Variants in ETV5 observed in about 807,000 individuals in gnomAD.
The protein encoded by ETV5 is ETS variant transcription factor 5.
In ETV5, 10 loss-of-function variants were observed where a neutral mutation model predicts 70.0. That is an observed-to-expected ratio of 0.14 (90% CI 0.09 to 0.24). The LOEUF is 0.24. ETV5 is among the 10% of genes least tolerant of loss of function. The probability of loss-of-function intolerance (pLI) is 1.00; values close to 1 mark genes in which losing one functional copy is unlikely to be tolerated. For missense variants in ETV5, 453 were observed against 651.2 expected (o/e 0.70, Z 3.31); for synonymous variants, 216 against 242.2 (o/e 0.89, Z 1.01).
intron 1 of ETV5, chr3:186,108,365 CA>C (rs1317547177): frequency 1.8e-6 from 1 of 567,742 alleles, no homozygotes; most frequent in Non-Finnish European, 3.0e-6. Context: ...TGGGTGGGAG[CA>C]GGGCGACTGG....
At chr3:186,070,942 C>T in intron 7 of ETV5, among the ~76,000 whole-genome samples, 1 of 152,212 alleles carries the variant, frequency 6.6e-6, no homozygotes, top group Non-Finnish European at 1.5e-5. Context: ...AAGGAACTCA[C>T]ATTTGGTGAG....
chr3:186,080,200 G>T, intron 6 of ETV5, 96 bp from the exon 7 acceptor site: 2 of 1,043,418 alleles, frequency 1.9e-6, no homozygotes, highest in Non-Finnish European at 1.3e-6. Flanking sequence ...GCCCATTGTT[G>T]CCAGGAAATA....
chr3:186,077,452 C>G (rs191845241), intron 7 of ETV5, among the ~76,000 whole-genome samples: 1 of 152,154 alleles, frequency 6.6e-6, no homozygotes, highest in Non-Finnish European at 1.5e-5. Context: ...TATCCAGTAT[C>G]TAGAAGAAAA....
chr3:186,108,713 C>T, intron 1 of ETV5: 3 of 1,120,800 alleles, frequency 2.7e-6, no homozygotes, highest in South Asian at 3.3e-5. Flanking sequence ...AGCCGCTCTC[C>T]CCGCGCTCCG....
chr3:186,091,511 A>G (rs954071269), intron 5 of ETV5, among the ~76,000 whole-genome samples: 8 of 152,214 alleles, frequency 5.3e-5, no homozygotes, highest in Admixed American at 5.2e-4. Context: ...TCTTCTGTAC[A>G]ATAAATAACG....
At chr3:186,091,200 T>G (rs1340650239) in intron 5 of ETV5, among the ~76,000 whole-genome samples, 1 of 152,210 alleles carries the variant, frequency 6.6e-6, no homozygotes. Context: ...GCTTTGTGCT[T>G]GTGCTTTGGG....
intron 7 of ETV5, among the ~76,000 whole-genome samples, chr3:186,074,540 A>G (rs1713731109): frequency 6.6e-6 from 1 of 152,200 alleles, no homozygotes; most frequent in Non-Finnish European, 1.5e-5. Flanking sequence ...TACTTTCTCA[A>G]TCATGAAGAC....
At chr3:186,108,416 T>TG (rs1714647870) in intron 1 of ETV5, 1 of 906,916 alleles carries the variant, frequency 1.1e-6, no homozygotes, top group African/African-American at 1.7e-5. Flanking sequence ...AAGGCCTGCG[T>TG]AAGTTCCTGG....
intron 5 of ETV5, among the ~76,000 whole-genome samples, chr3:186,082,426 CTCT>C (rs1327271182): frequency 1.4e-5 from 2 of 147,470 alleles, no homozygotes; most frequent in Admixed American, 6.7e-5. Flanking sequence ...CATCACTTTT[CTCT>C]TTTTTTTTTT....
chr3:186,077,331 A>T (rs1214338814), intron 7 of ETV5, among the ~76,000 whole-genome samples: 1 of 152,232 alleles, frequency 6.6e-6, no homozygotes, highest in African/African-American at 2.4e-5. Context: ...GGGCAGGCAT[A>T]AAAGTTATTA....
At chr3:186,063,225 A>G (rs1713351568) in intron 9 of ETV5, among the ~76,000 whole-genome samples, 1 of 152,130 alleles carries the variant, frequency 6.6e-6, no homozygotes, top group Non-Finnish European at 1.5e-5. Context: ...AGCGGAGATC[A>G]TGCCACTGCA....
intron 7 of ETV5, among the ~76,000 whole-genome samples, chr3:186,073,776 C>T (rs1000943696): frequency 6.6e-6 from 1 of 152,104 alleles, no homozygotes; most frequent in Non-Finnish European, 1.5e-5. Context: ...TTGTCCAAAC[C>T]AGGATCCTTT....
chr3:186,099,775 G>T (rs1714405930), intron 5 of ETV5, among the ~76,000 whole-genome samples: 1 of 152,142 alleles, frequency 6.6e-6, no homozygotes, highest in Non-Finnish European at 1.5e-5. Flanking sequence ...GGGATAAATG[G>T]TAATTTCTTC....
intron 9 of ETV5, among the ~76,000 whole-genome samples, chr3:186,059,871 A>G (rs1270307129): frequency 3.3e-5 from 5 of 152,218 alleles, no homozygotes; most frequent in Non-Finnish European, 5.9e-5. Flanking sequence ...AGTCTTCATT[A>G]AAAAATATTT....
intron 11 of ETV5, among the ~76,000 whole-genome samples, chr3:186,055,660 C>G (rs948203006): frequency 6.6e-6 from 1 of 152,212 alleles, no homozygotes; most frequent in African/African-American, 2.4e-5. Context: ...TCCTATCAAT[C>G]AGGATTCTTC....
intron 5 of ETV5, among the ~76,000 whole-genome samples, chr3:186,101,456 T>A (rs1344636122): frequency 6.9e-6 from 1 of 145,498 alleles, no homozygotes; most frequent in Non-Finnish European, 1.6e-5. Context: ...TGTCAGTTTT[T>A]TATAATTTTT....
chr3:186,106,002 T>C, intron 1 of ETV5, 60 bp from the exon 2 acceptor site: 1 of 1,270,938 alleles, frequency 7.9e-7, no homozygotes, highest in Non-Finnish European at 1.1e-6. Context: ...ATGAAACAAT[T>C]TTAGACTGCC....
rs1712940046 is a variant in ETV5, at chr3:186,048,646, G to A, written c.1526C>T (p.Ala509Val). 6.2e-7 allele frequency: 1 copy of A among 1,614,060 alleles called. No homozygotes were observed. The highest frequency in any genetic ancestry group is 8.5e-7 in the Non-Finnish European group (1 of 1,179,950). The change falls in exon 13 of 13, where the codon GCT becomes GTT. Residue 509 changes from alanine to valine, a missense_variant. Around this residue, in one of 4 missense-constraint regions of ETV5, gnomAD observed 74 missense variants for 95.2 expected, o/e 0.78. Transcript: ENST00000306376. ...CSSLPYAEGFAY is the reference protein window; with the variant it reads ...CSSLPYAEGFVY ...ACTCCGCCACTCAGAAACTTAGTAA[G>A]CAAAGCCTTCGGCATAGGGGAGGCT... is the stretch of plus-strand genomic sequence containing the variant.
chr3:186,086,178 G>A (rs1475939600), intron 5 of ETV5, among the ~76,000 whole-genome samples: 1 of 152,226 alleles, frequency 6.6e-6, no homozygotes, highest in African/African-American at 2.4e-5. Flanking sequence ...GTAGAAAAAA[G>A]AAGGGCAGTT....
Sources: gnomAD v4.1 joint callset for allele counts (sites outside exome capture counted in the v4.1 genomes callset) on GRCh38, gnomAD v4.1.1 for gene constraint, gnomAD v4.1.1 regional missense constraint, MANE v1.5 for transcripts, NCBI Gene and HGNC (gene_info 2026-07-23, HGNC 2026-07-21) for gene names.